The following GMDS variants were observed in gnomAD, a reference collection of about 807,000 sequenced individuals.
GMDS encodes the protein GDP-mannose 4,6-dehydratase, also known as GDP-mannose 4,6 dehydratase.
In GMDS, 20 loss-of-function variants were observed where a neutral mutation model predicts 49.9. The ratio of observed to expected loss-of-function variants is 0.40; its 90% CI spans 0.28 to 0.58. GMDS has a LOEUF of 0.58. GMDS is among the 20% of genes least tolerant of loss of function. The probability of loss-of-function intolerance (pLI) is 0.42; values close to 1 mark genes in which losing one functional copy is unlikely to be tolerated. For missense variants in GMDS, 362 were observed against 481.4 expected (o/e 0.75, Z 2.32); for synonymous variants, 177 against 178.6 (o/e 0.99, Z 0.07).
chr6:2,154,427 A>G (rs1776999520), intron 1 of GMDS, among the ~76,000 whole-genome samples: 3 of 152,274 alleles, frequency 2.0e-5, no homozygotes, highest in African/African-American at 7.2e-5. Context: ...TAACTAACAT[A>G]CAAAAAGTAA....
At chr6:2,172,063 G>C (rs752707452) in intron 1 of GMDS, among the ~76,000 whole-genome samples, 1 of 152,022 alleles carries the variant, frequency 6.6e-6, no homozygotes, top group Non-Finnish European at 1.5e-5. Flanking sequence ...ACAAAAAGCA[G>C]ACCTCCCAAC....
intron 4 of GMDS, among the ~76,000 whole-genome samples, chr6:2,052,173 G>A (rs1770459186): frequency 6.8e-6 from 1 of 146,398 alleles, no homozygotes; most frequent in East Asian, 2.0e-4. Context: ...AAAATCTCCT[G>A]CTATGTTTGT....
chr6:1,809,330 C>T (rs1770313291), intron 7 of GMDS, among the ~76,000 whole-genome samples: 1 of 152,200 alleles, frequency 6.6e-6, no homozygotes, highest in Non-Finnish European at 1.5e-5. Context: ...ACTTCCACAG[C>T]TGTACCGGCC....
intron 1 of GMDS, among the ~76,000 whole-genome samples, chr6:2,169,478 A>G (rs1371118925): frequency 1.3e-5 from 2 of 151,884 alleles, no homozygotes; most frequent in African/African-American, 4.8e-5. Flanking sequence ...TGTGGTGGCA[A>G]GCACCTGTAA....
At chr6:2,243,170 A>G (rs1230659643) in intron 1 of GMDS, among the ~76,000 whole-genome samples, 1 of 152,236 alleles carries the variant, frequency 6.6e-6, no homozygotes, top group African/African-American at 2.4e-5. Flanking sequence ...AGGTGTTTTA[A>G]GTTGGAAATG....
At chr6:2,004,231 G>A (rs556773173) in intron 4 of GMDS, among the ~76,000 whole-genome samples, 3 of 152,218 alleles carry the variant, frequency 2.0e-5, no homozygotes, top group South Asian at 4.1e-4. Flanking sequence ...GTCATACAAC[G>A]CCTACAGCCT....
At chr6:2,127,089 A>C (rs1775491314) in intron 1 of GMDS, among the ~76,000 whole-genome samples, 1 of 152,204 alleles carries the variant, frequency 6.6e-6, no homozygotes, top group Admixed American at 6.5e-5. Flanking sequence ...AGATAATGAC[A>C]CTGACCATTA....
In GMDS at chr6:1,958,794, C is replaced by T. The variant is rs561446394; in HGVS notation, c.643+1073G>A. 2.6e-5 allele frequency among the ~76,000 whole-genome samples: 4 copies of T among 152,254 alleles called. No individual in the cohort carries two copies. In the South Asian group the frequency reaches 8.3e-4, roughly 32 times the overall value. On this transcript the variant is annotated intron_variant, in intron 6 of 10. Transcript: ENST00000380815. Reference sequence around the variant, plus strand: ...TATAACATTGGACTTCACGTTTATTCTCAGACTAAAAATCTAAATGATAGC... The same window carrying T: ...TATAACATTGGACTTCACGTTTATTTTCAGACTAAAAATCTAAATGATAGC...
chr6:1,720,812 G>C (rs1453171090), intron 9 of GMDS, among the ~76,000 whole-genome samples: 2 of 152,164 alleles, frequency 1.3e-5, no homozygotes. Context: ...GTCAGAAGGA[G>C]CAGGAGCGGG....
chr6:1,674,919 T>C (rs1764565833), intron 9 of GMDS, among the ~76,000 whole-genome samples: 1 of 151,828 alleles, frequency 6.6e-6, no homozygotes, highest in African/African-American at 2.4e-5. Flanking sequence ...TAATGTAAAT[T>C]ACATTGTTTT....
intron 7 of GMDS, among the ~76,000 whole-genome samples, chr6:1,762,404 C>T (rs971529546): frequency 1.3e-5 from 2 of 152,256 alleles, no homozygotes; most frequent in Non-Finnish European, 2.9e-5. Context: ...CAGGAGTGAG[C>T]AGTCCCAGAG....
chr6:2,028,794 G>A (rs527616078), intron 4 of GMDS, among the ~76,000 whole-genome samples: 1 of 152,214 alleles, frequency 6.6e-6, no homozygotes. Context: ...TCCACTCACC[G>A]TTTTATGAAA....
intron 4 of GMDS, among the ~76,000 whole-genome samples, chr6:1,999,998 A>ATATATATAATATATATATAT (rs1766653357): frequency 9.2e-5 from 1 of 10,880 alleles, no homozygotes. Context: ...TATATATATT[A>ATATATATAATATATATATAT]TATATATATA....
intron 4 of GMDS, among the ~76,000 whole-genome samples, chr6:2,030,053 G>C (rs1254677923): frequency 6.6e-6 from 1 of 152,054 alleles, no homozygotes; most frequent in Admixed American, 6.5e-5. Context: ...AGAGAAGGGG[G>C]CAGGTTGGAG....
intron 7 of GMDS, among the ~76,000 whole-genome samples, chr6:1,927,700 T>G (rs1179742225): frequency 6.6e-6 from 1 of 152,184 alleles, no homozygotes. Flanking sequence ...AGCTTGGCAT[T>G]TGGGAAGTGA....
intron 2 of GMDS, among the ~76,000 whole-genome samples, chr6:2,118,118 C>G (rs965081151): frequency 1.1e-4 from 17 of 151,378 alleles, no homozygotes; most frequent in African/African-American, 4.1e-4. Context: ...ATGTACTACT[C>G]GATTTAAGAC....
chr6:1,941,650 T>C (rs1022991283), intron 6 of GMDS, among the ~76,000 whole-genome samples: 5 of 152,132 alleles, frequency 3.3e-5, no homozygotes, highest in African/African-American at 1.2e-4. Flanking sequence ...GGGGTGAGAC[T>C]GGGAGGACTG....
intron 1 of GMDS, among the ~76,000 whole-genome samples, chr6:2,125,474 G>T (rs1206931520): frequency 6.6e-6 from 1 of 152,074 alleles, no homozygotes; most frequent in Non-Finnish European, 1.5e-5. Context: ...CGTGCCTATG[G>T]TACCAGCTAC....
At chr6:1,663,695 C>T (rs748510558) in intron 9 of GMDS, among the ~76,000 whole-genome samples, 2 of 152,168 alleles carry the variant, frequency 1.3e-5, no homozygotes, top group Non-Finnish European at 2.9e-5. Context: ...AAAGCATACA[C>T]CTGCCACAGG....
Sources: gnomAD v4.1 joint callset for allele counts (sites outside exome capture counted in the v4.1 genomes callset) on GRCh38, gnomAD v4.1.1 for gene constraint, MANE v1.5 for transcripts, NCBI Gene and HGNC (gene_info 2026-07-23, HGNC 2026-07-21) for gene names.